RNF180: variants seen among roughly 807,000 people sequenced by gnomAD.
The protein encoded by RNF180 is ring finger protein 180, also known as E3 ubiquitin-protein ligase RNF180.
A neutral mutation model predicts 59.2 loss-of-function variants in RNF180; 38 were observed. The ratio of observed to expected loss-of-function variants is 0.64; its 90% CI spans 0.50 to 0.84. The LOEUF (loss-of-function observed/expected upper bound fraction) is 0.84, where lower values mean the gene tolerates loss of function less well. RNF180 is among the 40% of genes least tolerant of loss of function. RNF180 has a pLI of 0.00. For synonymous variants in RNF180, 262 were observed against 240.3 expected (o/e 1.09, Z -0.84); for missense variants, 705 against 700.9 (o/e 1.01, Z -0.07).
intron 2 of RNF180, among the ~76,000 whole-genome samples, chr5:64,210,587 G>T (rs1393813563): frequency 6.6e-6 from 1 of 152,108 alleles, no homozygotes; most frequent in Non-Finnish European, 1.5e-5. Context: ...GAGATAGAAT[G>T]TGACTTAAAG....
chr5:64,287,325 G>A (rs192950436), intron 5 of RNF180, among the ~76,000 whole-genome samples: 107 of 152,230 alleles, frequency 7.0e-4, no homozygotes, highest in Non-Finnish European at 1.2e-3. Context: ...ATAGTCAAAT[G>A]AAGGAAGGAA....
intron 1 of RNF180, among the ~76,000 whole-genome samples, chr5:64,174,897 C>T (rs1750143347): frequency 6.6e-6 from 1 of 151,054 alleles, no homozygotes; most frequent in Admixed American, 6.6e-5. Flanking sequence ...AAGCATTTCC[C>T]TCATGTTTTC....
At chr5:64,310,850 C>T (rs1157492538) in intron 5 of RNF180, among the ~76,000 whole-genome samples, 1 of 151,892 alleles carries the variant, frequency 6.6e-6, no homozygotes, top group African/African-American at 2.4e-5. Flanking sequence ...CATCTCACTT[C>T]TGCTTACATT....
At chr5:64,329,261 C>T (rs1417089716) in intron 6 of RNF180, among the ~76,000 whole-genome samples, 2 of 152,076 alleles carry the variant, frequency 1.3e-5, no homozygotes, top group African/African-American at 2.4e-5. Flanking sequence ...TCTGTTGTTA[C>T]ACTCATAACA....
At chr5:64,233,602 T>G (rs1037731767) in intron 5 of RNF180, among the ~76,000 whole-genome samples, 1 of 152,142 alleles carries the variant, frequency 6.6e-6, no homozygotes, top group African/African-American at 2.4e-5. Flanking sequence ...TTGAGTAATA[T>G]ACGCCAAAAT....
chr5:64,281,136 A>G (rs937357272), intron 5 of RNF180, among the ~76,000 whole-genome samples: 2 of 152,146 alleles, frequency 1.3e-5, no homozygotes, highest in African/African-American at 2.4e-5. Flanking sequence ...AATGCTGCTG[A>G]TTTTTGTACA....
intron 1 of RNF180, among the ~76,000 whole-genome samples, chr5:64,177,555 A>G (rs1750315008): frequency 1.1e-5 from 1 of 89,438 alleles, no homozygotes; most frequent in African/African-American, 4.7e-5. Flanking sequence ...ATATATATAT[A>G]TATATATATA....
At chr5:64,213,499 T>C (rs559542003) in intron 3 of RNF180, 59 bp from the exon 4 acceptor site, 4 of 1,492,806 alleles carry the variant, frequency 2.7e-6, no homozygotes, top group Non-Finnish European at 3.6e-6. Context: ...GAAAAAAAAA[T>C]TTCTCTTCAG....
intron 5 of RNF180, among the ~76,000 whole-genome samples, chr5:64,244,323 G>T (rs1237832880): frequency 6.6e-6 from 1 of 151,870 alleles, no homozygotes; most frequent in Non-Finnish European, 1.5e-5. Context: ...CTAACCCAAC[G>T]CAAGGAAGCT....
In RNF180 at chr5:64,372,746, T is replaced by G. The variant is rs1433583200; in HGVS notation, c.*2932T>G. 1 of 151,864 alleles carries G rather than the reference T, an allele frequency of 6.6e-6. No homozygotes were observed. 9.4% of individuals were successfully genotyped at this position (151,864 alleles called of 1,614,324 possible). A position where few individuals can be genotyped will look rare whatever the true frequency, so the allele number is the denominator to read the frequency against. On this transcript the variant is annotated 3_prime_UTR_variant, in exon 8 of 8. Coordinates refer to ENST00000389100, the MANE Select transcript of RNF180 (RefSeq NM_001113561.2). Reference sequence around the variant, plus strand: ...CATTTAGGAAAGTGTTCCTAAAGGTTTGAATGCTTTAACATGCTCAACTCT... The same window carrying G: ...CATTTAGGAAAGTGTTCCTAAAGGTGTGAATGCTTTAACATGCTCAACTCT...
chr5:64,190,534 A>C (rs1751092274), intron 1 of RNF180, among the ~76,000 whole-genome samples: 2 of 152,238 alleles, frequency 1.3e-5, no homozygotes, highest in East Asian at 1.9e-4. Flanking sequence ...GTTTTTTTGC[A>C]TGTGAAGAGG....
chr5:64,211,557 C>T (rs930661098), intron 2 of RNF180, among the ~76,000 whole-genome samples: 4 of 152,218 alleles, frequency 2.6e-5, no homozygotes, highest in East Asian at 1.9e-4. Context: ...TTCCTGCATC[C>T]GCTGTTTTTC....
chr5:64,190,242 A>G, intron 1 of RNF180, among the ~76,000 whole-genome samples: 1 of 152,218 alleles, frequency 6.6e-6, no homozygotes, highest in East Asian at 1.9e-4. Flanking sequence ...TTGTCTTGCT[A>G]GGTAATGAAC....
At chr5:64,166,714 G>T (rs949633255) in intron 1 of RNF180, among the ~76,000 whole-genome samples, 3 of 152,138 alleles carry the variant, frequency 2.0e-5, no homozygotes, top group African/African-American at 7.2e-5. Context: ...ATGCGGTCGG[G>T]TTACTATTAT....
At chr5:64,348,548 T>A (rs1216958617) in intron 7 of RNF180, among the ~76,000 whole-genome samples, 1 of 152,118 alleles carries the variant, frequency 6.6e-6, no homozygotes, top group Non-Finnish European at 1.5e-5. Flanking sequence ...GCACTGATTT[T>A]GTTGGAAACA....
chr5:64,197,797 T>C (rs1036716544), intron 1 of RNF180, among the ~76,000 whole-genome samples: 5 of 152,188 alleles, frequency 3.3e-5, no homozygotes, highest in African/African-American at 1.2e-4. Flanking sequence ...TGGCAAACTG[T>C]ATATTCAGAC....
At chr5:64,166,405 C>T (rs1579904129) in intron 1 of RNF180, 1 of 152,776 alleles carries the variant, frequency 6.5e-6, no homozygotes, top group South Asian at 2.1e-4. Flanking sequence ...CCGATTCCCT[C>T]TGCACGGTTC....
intron 5 of RNF180, among the ~76,000 whole-genome samples, chr5:64,309,906 C>T (rs1267614932): frequency 1.8e-4 from 28 of 151,542 alleles, no homozygotes; most frequent in Admixed American, 1.8e-3. Context: ...GCGAAAATGT[C>T]GTTTAACAGT....
intron 5 of RNF180, among the ~76,000 whole-genome samples, chr5:64,226,389 T>C (rs1372400424): frequency 6.6e-6 from 1 of 152,208 alleles, no homozygotes; most frequent in African/African-American, 2.4e-5. Flanking sequence ...CTGAAACATG[T>C]GCTGTGTCAA....
Sources: gnomAD v4.1 joint callset for allele counts (sites outside exome capture counted in the v4.1 genomes callset) on GRCh38, gnomAD v4.1.1 for gene constraint, MANE v1.5 for transcripts, NCBI Gene and HGNC (gene_info 2026-07-23, HGNC 2026-07-21) for gene names.